Variants in PTPRK observed in about 807,000 individuals in gnomAD.
The protein encoded by PTPRK is protein tyrosine phosphatase receptor type K.
Under a neutral mutation model 178.0 loss-of-function variants are expected in PTPRK, and 75 were observed. That is an observed-to-expected ratio of 0.42 (90% confidence interval 0.35 to 0.51). PTPRK has a LOEUF of 0.51. Among genes scored for constraint, PTPRK ranks in the 20% least tolerant of loss-of-function variants. PTPRK has a pLI of 0.02. For synonymous variants in PTPRK, 637 were observed against 620.6 expected, an observed-to-expected ratio of 1.03 and a Z score of -0.39; for missense variants, 1,441 against 1,797.8, an observed-to-expected ratio of 0.80 and a Z score of 3.59.
At chr6:128,231,613 C>T (rs1461321895) in intron 5 of PTPRK, among the ~76,000 whole-genome samples, 1 of 152,100 alleles carries the variant, frequency 6.6e-6, no homozygotes, top group Non-Finnish European at 1.5e-5. Context: ...AAGTTGGCGA[C>T]AAGCTTCAAA....
chr6:128,053,278 T>C (rs1232858496), intron 13 of PTPRK, among the ~76,000 whole-genome samples: 1 of 151,832 alleles, frequency 6.6e-6, no homozygotes, highest in African/African-American at 2.4e-5. Flanking sequence ...TGCTGTCACC[T>C]CCTTCCCTGT....
intron 2 of PTPRK, among the ~76,000 whole-genome samples, chr6:128,377,467 A>G (rs1465016954): frequency 6.6e-6 from 1 of 152,126 alleles, no homozygotes; most frequent in African/African-American, 2.4e-5. Context: ...CAACACATGA[A>G]AATTATGGGA....
chr6:128,369,753 G>C (rs1291492181), intron 2 of PTPRK, among the ~76,000 whole-genome samples: 4 of 152,012 alleles, frequency 2.6e-5, no homozygotes, highest in South Asian at 2.1e-4. Flanking sequence ...TATGGCATAT[G>C]CCACAAAGAC....
At chr6:128,211,425 G>T (rs769101104) in intron 6 of PTPRK, among the ~76,000 whole-genome samples, 15 of 152,058 alleles carry the variant, frequency 9.9e-5, no homozygotes, top group Admixed American at 3.3e-4. Flanking sequence ...TTATTTCCTA[G>T]AAAGAGGGAA....
chr6:128,073,822 C>A (rs1783270986), intron 11 of PTPRK, among the ~76,000 whole-genome samples: 1 of 151,972 alleles, frequency 6.6e-6, no homozygotes, highest in African/African-American at 2.4e-5. Context: ...ACCATATGAC[C>A]TTTATGCCCA....
At chr6:128,331,440 A>AT (rs1435358743) in intron 2 of PTPRK, among the ~76,000 whole-genome samples, 1 of 152,032 alleles carries the variant, frequency 6.6e-6, no homozygotes, top group Non-Finnish European at 1.5e-5. Context: ...AAGCAAAAAT[A>AT]TTTTTTTAAG....
At chr6:128,064,240 T>C (rs1297291680) in intron 13 of PTPRK, among the ~76,000 whole-genome samples, 1 of 152,158 alleles carries the variant, frequency 6.6e-6, no homozygotes, top group African/African-American at 2.4e-5. Flanking sequence ...ATTGCCCTGG[T>C]TATGAGCTAG....
chr6:128,297,894 G>A (rs1245853652), intron 3 of PTPRK, among the ~76,000 whole-genome samples: 1 of 152,036 alleles, frequency 6.6e-6, no homozygotes, highest in East Asian at 1.9e-4. Context: ...ACTGAAGGAA[G>A]TAGAGACATA....
intron 2 of PTPRK, among the ~76,000 whole-genome samples, chr6:128,354,624 T>C (rs983261993): frequency 1.3e-5 from 2 of 152,318 alleles, no homozygotes; most frequent in Middle Eastern, 3.4e-3. Context: ...TAAGCATCTA[T>C]ATAACTGGCA....
chr6:128,268,088 T>C (rs1172131347), intron 3 of PTPRK, among the ~76,000 whole-genome samples: 1 of 151,996 alleles, frequency 6.6e-6, no homozygotes. Context: ...TAGGGAGGAA[T>C]GGGATAGTGG....
chr6:128,083,757 C>G lies in PTPRK; in HGVS notation c.1533G>C (p.Trp511Cys). 6.2e-7 allele frequency: 1 copy of G among 1,606,628 alleles called. No individual in the cohort carries two copies. The highest frequency in any genetic ancestry group is 8.5e-7 in the Non-Finnish European group (1 of 1,175,628). The change falls in exon 9 of 30, where the codon TGG becomes TGC. Residue 511 changes from tryptophan (W) to cysteine (C), a missense_variant. Physicochemically the swap from Trp to Cys is radical, Grantham distance 215. Around this residue, in one of 4 missense-constraint regions of PTPRK, gnomAD observed 945 missense variants for 1,080.6 expected, o/e 0.87. Transcript: ENST00000368226. Reference sequence around the variant, plus strand: ...TTCCATTTGGATCCAAAGGTTCTTTCCAGTTCAAGAAGATCTTATTTTCAA... The same window carrying G: ...TTCCATTTGGATCCAAAGGTTCTTTGCAGTTCAAGAAGATCTTATTTTCAA... ...TSFENKIFLN[W>C]KEPLDPNGII...
chr6:128,145,534 TC>T (rs938158363), intron 7 of PTPRK, among the ~76,000 whole-genome samples: 5 of 151,932 alleles, frequency 3.3e-5, no homozygotes, highest in African/African-American at 1.2e-4. Context: ...TATTGTGTAC[TC>T]CCCCATGAAA....
intron 1 of PTPRK, among the ~76,000 whole-genome samples, chr6:128,465,366 C>T (rs1562578868): frequency 6.6e-6 from 1 of 151,896 alleles, no homozygotes; most frequent in African/African-American, 2.4e-5. Flanking sequence ...TTTGTTACTA[C>T]TATAAGGCTA....
At chr6:128,108,995 G>C (rs1367468889) in intron 7 of PTPRK, among the ~76,000 whole-genome samples, 2 of 152,112 alleles carry the variant, frequency 1.3e-5, no homozygotes, top group Admixed American at 6.5e-5. Context: ...TCTCAATGGA[G>C]TAGAGGGCTT....
chr6:127,976,409 A>C (rs1427142697), intron 27 of PTPRK, among the ~76,000 whole-genome samples: 1 of 152,214 alleles, frequency 6.6e-6, no homozygotes, highest in Non-Finnish European at 1.5e-5. Context: ...AACTTGACTG[A>C]GCCAGTGCAT....
At chr6:128,023,603 A>G (rs1773850691) in intron 13 of PTPRK, among the ~76,000 whole-genome samples, 1 of 152,126 alleles carries the variant, frequency 6.6e-6, no homozygotes, top group African/African-American at 2.4e-5. Context: ...AAAAAAACCA[A>G]ACTATCATTT....
chr6:128,108,888 T>G (rs138405948), intron 7 of PTPRK, among the ~76,000 whole-genome samples: 14 of 152,242 alleles, frequency 9.2e-5, no homozygotes, highest in Admixed American at 2.6e-4. Flanking sequence ...CTAGTTCACA[T>G]CTCTTTCTCT....
chr6:128,067,458 T>C, intron 12 of PTPRK, 61 bp downstream of exon 12: 2 of 1,434,332 alleles, frequency 1.4e-6, no homozygotes, highest in East Asian at 2.3e-5. Context: ...TGAGTATTCA[T>C]AAAATTTGAC....
chr6:128,227,976 G>C (rs1174563523), intron 5 of PTPRK, among the ~76,000 whole-genome samples: 1 of 152,028 alleles, frequency 6.6e-6, no homozygotes, highest in Admixed American at 6.6e-5. Flanking sequence ...CAGGGGATAG[G>C]GGGCTAGGGG....
Sources: gnomAD v4.1 joint callset for allele counts (sites outside exome capture counted in the v4.1 genomes callset) on GRCh38, gnomAD v4.1.1 for gene constraint, gnomAD v4.1.1 regional missense constraint, MANE v1.5 for transcripts, NCBI Gene and HGNC (gene_info 2026-07-23, HGNC 2026-07-21) for gene names.